Variants in RBM17 observed in about 807,000 individuals in gnomAD.
RBM17 encodes the protein splicing factor 45.
Under a neutral mutation model 53.2 loss-of-function variants are expected in RBM17, and 7 were observed. The observed-to-expected ratio is 0.13, with a 90% confidence interval of 0.07 to 0.25. RBM17 has a LOEUF of 0.25. Ranked by LOEUF, RBM17 falls within the 10% of genes least tolerant of loss-of-function variation. The probability of loss-of-function intolerance (pLI) is 1.00; values close to 1 mark genes in which losing one functional copy is unlikely to be tolerated. For missense variants in RBM17, 257 were observed against 496.7 expected (o/e 0.52, Z 4.59); for synonymous variants, 167 against 178.1 (o/e 0.94, Z 0.50).
At chr10:6,095,729 T>C (rs114459345) in intron 1 of RBM17, among the ~76,000 whole-genome samples, 1,770 of 152,312 alleles carry the variant, frequency 0.012, 31 homozygotes, top group African/African-American at 0.038. Context: ...AGGGAGTTAC[T>C]GTACTTAAGA....
chr10:6,108,395 T>A (rs1441037804), intron 5 of RBM17: 1 of 417,886 alleles, frequency 2.4e-6, no homozygotes, highest in Non-Finnish European at 4.3e-6. Context: ...CTGGTTCTCT[T>A]GGTTGTATTG....
At chr10:6,114,905 A>C in intron 10 of RBM17, 1 of 246,218 alleles carries the variant, frequency 4.1e-6, no homozygotes, top group Non-Finnish European at 7.7e-6. Context: ...CAGCCTTTTT[A>C]ATCTGAAAGC....
intron 3 of RBM17, among the ~76,000 whole-genome samples, chr10:6,102,784 A>T (rs920341865): frequency 1.3e-5 from 2 of 151,946 alleles, no homozygotes; most frequent in East Asian, 3.9e-4. Flanking sequence ...TATAAATACC[A>T]CTCTAATGAA....
At chr10:6,108,838 G>T in intron 6 of RBM17, 96 bp downstream of exon 6, 1 of 900,222 alleles carries the variant, frequency 1.1e-6, no homozygotes, top group East Asian at 2.7e-5. Context: ...CCTGAGCGTA[G>T]AGGGAAACGG....
chr10:6,117,388 A>G lies in RBM17; in HGVS notation c.*1832A>G. ...TTTGAAATTAATTTTCAATATTAAC[A>G]TTTAAGCTAATATAAAAATTTTAAA... On this transcript the variant is annotated 3_prime_UTR_variant, in exon 12 of 12. Coordinates refer to ENST00000379888, the MANE Select transcript of RBM17 (RefSeq NM_032905.5). 1 of 152,236 alleles carries G rather than the reference A, an allele frequency of 6.6e-6. No individual in the cohort carries two copies. The highest frequency in any genetic ancestry group is 1.5e-5 in the Non-Finnish European group (1 of 68,044). The allele number at this position is 152,236 out of a possible 1,614,324, so 9.4% of individuals were successfully genotyped here. A position where few individuals can be genotyped will look rare whatever the true frequency, so the allele number is the denominator to read the frequency against.
intron 2 of RBM17, among the ~76,000 whole-genome samples, chr10:6,098,202 CAG>C (rs1376946150): frequency 6.6e-6 from 1 of 152,156 alleles, no homozygotes; most frequent in African/African-American, 2.4e-5. Context: ...TCCCCCCAAA[CAG>C]AGCGAATATT....
At position 6,115,203 on chromosome 10, in the gene RBM17, A is replaced by T. The variant is rs371147078; in HGVS notation, c.1030-36A>T. On this transcript the variant is annotated intron_variant, in intron 10 of 11. Transcript: ENST00000379888. ...AGAAAACTCATTCAATGCAATCTCA[A>T]ATGCCTTTACTCATCACGCTCTCAT... is the stretch of plus-strand genomic sequence containing the variant. 3.4e-4 allele frequency: 526 copies of T among 1,546,544 alleles called. 7 individuals carry two copies. In the South Asian group the frequency reaches 5.9e-3, roughly 17 times the overall value.
chr10:6,114,312 CAT>C (rs1202391311), intron 10 of RBM17, 165 bp downstream of exon 10: 3 of 496,610 alleles, frequency 6.0e-6, no homozygotes, highest in East Asian at 3.6e-5. Context: ...CAGTTTTAAA[CAT>C]AAAGACAATG....
chr10:6,115,522 A>G lies in RBM17; in HGVS notation c.1172A>G (p.Lys391Arg). ...VVKACFYNLDKFRVLDLAEQV is the reference protein window; with the variant it reads ...VVKACFYNLDRFRVLDLAEQV ...AAAGCATGTTTCTACAATTTGGACA[A>G]ATTCAGGGTCTTGGATTTGGCAGAA... The change falls in exon 12 of 12, where the codon AAA becomes AGA. Residue 391 changes from lysine (K) to arginine (R), a missense_variant. Transcript: ENST00000379888. The G allele has an allele frequency of 6.2e-7, 1 of 1,613,636 alleles. No individual in the cohort carries two copies. The highest frequency in any genetic ancestry group is 8.5e-7 in the Non-Finnish European group (1 of 1,179,680).
intron 8 of RBM17, 154 bp from the exon 9 acceptor site, chr10:6,113,354 G>T (rs551294481): frequency 9.0e-6 from 5 of 555,456 alleles, no homozygotes; most frequent in Non-Finnish European, 1.6e-5. Context: ...CTGTGTTTTC[G>T]CTCAGAGACC....
At chr10:6,094,679 CTGTT>C (rs1840546070) in intron 1 of RBM17, among the ~76,000 whole-genome samples, 1 of 152,230 alleles carries the variant, frequency 6.6e-6, no homozygotes, top group East Asian at 1.9e-4. Context: ...TGCTGTTGCT[CTGTT>C]TGAGTTTTCT....
At chr10:6,113,901 T>A in intron 9 of RBM17, 148 bp from the exon 10 acceptor site, 1 of 618,792 alleles carries the variant, frequency 1.6e-6, no homozygotes, top group Non-Finnish European at 2.9e-6. Context: ...TAAGAAATAC[T>A]AACTTTTGGG....
At chr10:6,109,601 G>A (rs60960627) in intron 6 of RBM17, among the ~76,000 whole-genome samples, 6,131 of 152,212 alleles carry the variant, frequency 0.04, 226 homozygotes, top group African/African-American at 0.099. Flanking sequence ...TAGTGAGGTC[G>A]GGGTCTAGAC....
At position 6,108,672 on chromosome 10, in the gene RBM17, T is replaced by C. The variant is rs371428790; in HGVS notation, c.506-14T>C. The C allele has an allele frequency of 2.5e-6, 4 of 1,609,608 alleles. No homozygotes were observed. Among genetic ancestry groups the C allele is most frequent in the Non-Finnish European group, 3.4e-6 (4 of 1,177,506 alleles). On this transcript the variant is annotated splice_polypyrimidine_tract_variant and intron_variant, in intron 5 of 11. Transcript: ENST00000379888. ...CGGAAACCTCCTTTAATGCTTGGAT[T>C]TGTGGTTTTGCAGGTATGGGCGGAG...
intron 2 of RBM17, among the ~76,000 whole-genome samples, chr10:6,100,210 TTTA>T (rs1237562751): frequency 6.6e-6 from 1 of 152,250 alleles, no homozygotes; most frequent in Admixed American, 6.5e-5. Flanking sequence ...TTTTGTGCCT[TTTA>T]TAGTGGTAAT....
intron 3 of RBM17, among the ~76,000 whole-genome samples, chr10:6,102,880 G>T (rs996580746): frequency 6.6e-6 from 1 of 152,128 alleles, no homozygotes; most frequent in Non-Finnish European, 1.5e-5. Flanking sequence ...GCTCACTGCA[G>T]CCTCCTCCTC....
rs1391926710 is a variant in RBM17 at position 6,112,979 on chromosome 10, C to T, written c.857-529C>T. 2 of 166,768 alleles carry T rather than the reference C, an allele frequency of 1.2e-5. No individual in the cohort carries two copies. Among genetic ancestry groups the T allele is most frequent in the Non-Finnish European group, 2.7e-5 (2 of 75,434 alleles). The allele number at this position is 166,768 out of a possible 1,614,324, so 10.3% of individuals were successfully genotyped here. On this transcript the variant is annotated intron_variant, in intron 8 of 11. Coordinates refer to ENST00000379888, the MANE Select transcript of RBM17 (RefSeq NM_032905.5). The surrounding 1 kb of genome is among the most constrained non-coding windows in gnomAD (Gnocchi z 4.4). ...AATCAGGGAATTAAGTTTGAGTCAGCCTAGCTGAACTTCCTTTGCTAAAGA... is the reference window on the plus strand; with the variant it reads ...AATCAGGGAATTAAGTTTGAGTCAGTCTAGCTGAACTTCCTTTGCTAAAGA...
At chr10:6,113,259 G>T (rs1157351993) in intron 8 of RBM17, 2 of 343,068 alleles carry the variant, frequency 5.8e-6, no homozygotes, top group Non-Finnish European at 1.1e-5. Context: ...AGCAAAAATT[G>T]CAAGTAATGG....
At position 6,114,791 on chromosome 10, in the gene RBM17, T is replaced by C. The variant is rs1475391206; in HGVS notation, c.1030-448T>C. 3.1e-5 allele frequency: 5 copies of C among 162,712 alleles called. No individual in the cohort carries two copies. In the East Asian group the frequency reaches 9.0e-4, roughly 29 times the overall value. The allele number at this position is 162,712 out of a possible 1,614,324, so 10.1% of individuals were successfully genotyped here. On this transcript the variant is annotated intron_variant, in intron 10 of 11. Coordinates refer to ENST00000379888, the MANE Select transcript of RBM17 (RefSeq NM_032905.5). ...TACCAAAATGGAATGGATGGGCCTG[T>C]TGGGGATTAGCAGAAGTGCTTAGGT...
Sources: allele counts gnomAD v4.1 joint callset (sites outside exome capture counted in the v4.1 genomes callset), GRCh38; gene constraint gnomAD v4.1.1; non-coding constraint Gnocchi (gnomAD v3.1); transcripts MANE v1.5; gene names NCBI Gene and HGNC (gene_info 2026-07-23, HGNC 2026-07-21).